ADAMTS2: variants seen among roughly 807,000 people sequenced by gnomAD.
The protein encoded by ADAMTS2 is ADAM metallopeptidase with thrombospondin type 1 motif 2.
Under a neutral mutation model 123.0 loss-of-function variants are expected in ADAMTS2, and 50 were observed. The ratio of observed to expected loss-of-function variants is 0.41; its 90% confidence interval spans 0.32 to 0.51. The LOEUF is 0.51. ADAMTS2 is among the 20% of genes least tolerant of loss of function. ADAMTS2 has a pLI of 0.35. For synonymous variants in ADAMTS2, 678 were observed against 695.4 expected (o/e 0.98, Z 0.39); for missense variants, 1,494 against 1,705.2 (o/e 0.88, Z 2.18).
At chr5:179,226,087 A>C (rs1765276730) in intron 3 of ADAMTS2, among the ~76,000 whole-genome samples, 1 of 152,162 alleles carries the variant, frequency 6.6e-6, no homozygotes, top group African/African-American at 2.4e-5. Context: ...TGAAGAAGGA[A>C]GCCACACCCC....
intron 5 of ADAMTS2, among the ~76,000 whole-genome samples, chr5:179,172,278 G>A (rs961861734): frequency 5.3e-5 from 8 of 152,336 alleles, no homozygotes; most frequent in Non-Finnish European, 1.2e-4. Flanking sequence ...CCTGGGAAGA[G>A]CAGGCTGCAC....
At chr5:179,281,006 C>T (rs749863379) in intron 2 of ADAMTS2, among the ~76,000 whole-genome samples, 5 of 152,148 alleles carry the variant, frequency 3.3e-5, no homozygotes, top group Non-Finnish European at 7.3e-5. Context: ...TACTGGTACA[C>T]ACCACCACAT....
intron 3 of ADAMTS2, among the ~76,000 whole-genome samples, chr5:179,238,182 A>G (rs1765573625): frequency 6.6e-6 from 1 of 152,214 alleles, no homozygotes; most frequent in Non-Finnish European, 1.5e-5. Context: ...AGGAAGCCAC[A>G]GCGGAACTTG....
At chr5:179,299,834 C>T (rs181231641) in intron 2 of ADAMTS2, among the ~76,000 whole-genome samples, 18 of 152,176 alleles carry the variant, frequency 1.2e-4, no homozygotes, top group African/African-American at 4.3e-4. Flanking sequence ...CCAGCTCACA[C>T]CTGTAATCCC....
chr5:179,149,054 G>A (rs1192636197), intron 10 of ADAMTS2, among the ~76,000 whole-genome samples: 4 of 152,304 alleles, frequency 2.6e-5, no homozygotes, highest in South Asian at 2.1e-4. Context: ...GCTGGCTGGC[G>A]TTCCCCTCAG....
Position 179,129,211 on chromosome 5 carries a change from G to A in ADAMTS2, c.2457+721C>T, listed in dbSNP as rs951314414. ...CAGGGGGCCAGAAGTCACTGCAGGC[G>A]AGGCAGGCAGGGTGCCAGGGGGTAC... On this transcript the variant is annotated intron_variant, in intron 16 of 21. Transcript: ENST00000251582. The surrounding 1 kb of genome is among the most constrained non-coding windows in gnomAD (Gnocchi z 4.1). Among the ~76,000 whole-genome samples the A allele has an allele frequency of 4.6e-5, 7 of 152,298 alleles. No individual in the cohort carries two copies. The highest frequency in any genetic ancestry group is 4.4e-5 in the Non-Finnish European group (3 of 68,038).
In ADAMTS2 at chr5:179,162,337, C is replaced by T. The variant is rs1332214998; in HGVS notation, c.976-3458G>A. Among the ~76,000 whole-genome samples, 1 of 152,148 alleles carries T rather than the reference C, an allele frequency of 6.6e-6. No individual in the cohort carries two copies. The highest frequency in any genetic ancestry group is 6.5e-5 in the Admixed American group (1 of 15,274). ...AGGGTGAACATACAACCAAAGCGGG[C>T]CAAGGAGTAGGCAAGGTGTGAGGTG... On this transcript the variant is annotated intron_variant, in intron 5 of 21. Coordinates refer to ENST00000251582, the MANE Select transcript of ADAMTS2 (RefSeq NM_014244.5). The surrounding 1 kb of genome is among the most constrained non-coding windows in gnomAD (Gnocchi z 5.1).
intron 4 of ADAMTS2, 42 bp downstream of exon 4, chr5:179,207,471 A>ACCCAGCCCCC: frequency 3.2e-5 from 33 of 1,026,464 alleles, no homozygotes; most frequent in Admixed American, 5.2e-5. Flanking sequence ...CCCCTGGTTG[A>ACCCAGCCCCC]CCCTCCCCGC....
rs1202127515 is a variant in ADAMTS2 at position 179,139,876 on chromosome 5, TGG to T, written c.1775+12_1775+13del. On this transcript the variant is annotated intron_variant, in intron 11 of 21. Transcript: ENST00000251582. ...GCCACTCAGCAAGGCCAGGGGGACA[TGG>T]GGCCAACTCACTGTGGGTTGTCACA... 10 of 1,611,724 alleles carry T rather than the reference TGG, an allele frequency of 6.2e-6. 1 individual carries two copies. Among genetic ancestry groups the T allele is most frequent in the Non-Finnish European group, 8.5e-6 (10 of 1,179,884 alleles).
At chr5:179,336,093 T>C (rs1309422517) in intron 2 of ADAMTS2, among the ~76,000 whole-genome samples, 6 of 152,240 alleles carry the variant, frequency 3.9e-5, no homozygotes, top group African/African-American at 1.4e-4. Context: ...ACAGAGCTGG[T>C]GAAGGCTGGT....
At chr5:179,324,893 C>T (rs1032119176) in intron 2 of ADAMTS2, among the ~76,000 whole-genome samples, 9 of 146,944 alleles carry the variant, frequency 6.1e-5, no homozygotes, top group African/African-American at 2.3e-4. Context: ...TATGGGGTTC[C>T]CAGCATTCAG....
intron 3 of ADAMTS2, among the ~76,000 whole-genome samples, chr5:179,210,492 A>T (rs892820305): frequency 6.6e-6 from 1 of 152,264 alleles, no homozygotes; most frequent in African/African-American, 2.4e-5. Flanking sequence ...AATCGTGATA[A>T]TTTTGGGGTG....
In ADAMTS2 at chr5:179,121,694, C is replaced by T. The variant is rs1246979262; in HGVS notation, c.3145G>A (p.Asp1049Asn). Reference sequence around the variant, plus strand: ...ATCTTCCGGATGGGCGAGTCGGGGTCCGGGCGGGACAGCCACTGAACTACG... The same window carrying T: ...ATCTTCCGGATGGGCGAGTCGGGGTTCGGGCGGGACAGCCACTGAACTACG... Reference protein sequence around the residue: ...SYVVQWLSRPDPDSPIRKISS... With the variant: ...SYVVQWLSRPNPDSPIRKISS... The change falls in exon 21 of 22, where the codon GAC (aspartate) becomes AAC (asparagine). Residue 1049 changes from aspartate to asparagine, a missense_variant. Physicochemically the swap from Asp to Asn is conservative, Grantham distance 23. Transcript: ENST00000251582. 4 of 1,596,536 alleles carry T rather than the reference C, an allele frequency of 2.5e-6. No individual in the cohort carries two copies. The highest frequency in any genetic ancestry group is 3.4e-6 in the Non-Finnish European group (4 of 1,171,668).
Position 179,129,550 on chromosome 5 carries a change from G to C in ADAMTS2, c.2457+382C>G, listed in dbSNP as rs552918305. Among the ~76,000 whole-genome samples, 39 of 152,288 alleles carry C rather than the reference G, an allele frequency of 2.6e-4. No individual in the cohort carries two copies. Among genetic ancestry groups the C allele is most frequent in the African/African-American group, 8.7e-4 (36 of 41,566 alleles). On this transcript the variant is annotated intron_variant, in intron 16 of 21. Coordinates refer to ENST00000251582, the MANE Select transcript of ADAMTS2 (RefSeq NM_014244.5). The surrounding 1 kb of genome is among the most constrained non-coding windows in gnomAD (Gnocchi z 4.1). ...CCATCCTGCTTAGAGACACAGTCCAGCTCAACCTGGGTCTGGGCATCTAGC... is the reference window on the plus strand; with the variant it reads ...CCATCCTGCTTAGAGACACAGTCCACCTCAACCTGGGTCTGGGCATCTAGC...
intron 2 of ADAMTS2, among the ~76,000 whole-genome samples, chr5:179,339,674 C>T (rs1317978385): frequency 6.6e-6 from 1 of 152,176 alleles, no homozygotes; most frequent in Admixed American, 6.5e-5. Context: ...GAGGTTCCTG[C>T]AGCCCCTCTT....
intron 2 of ADAMTS2, among the ~76,000 whole-genome samples, chr5:179,338,164 C>A (rs1267525039): frequency 6.6e-6 from 1 of 152,160 alleles, no homozygotes; most frequent in Non-Finnish European, 1.5e-5. Flanking sequence ...TGCTGGGCTC[C>A]GGCTGAGACC....
chr5:179,206,328 C>A (rs994660269), intron 4 of ADAMTS2, among the ~76,000 whole-genome samples: 4 of 152,110 alleles, frequency 2.6e-5, no homozygotes, highest in Non-Finnish European at 5.9e-5. Context: ...GGGACTCTGA[C>A]CCATGTGTCA....
Position 179,303,895 on chromosome 5 carries a change from T to C in ADAMTS2, c.535-30831A>G, listed in dbSNP as rs767514951. ...GATTTAACAAGGAGCCGCAGGAAAC[T>C]GGACAGGGCTAGGAAGATGGCAGAG... On this transcript the variant is annotated intron_variant, in intron 2 of 21. Coordinates refer to ENST00000251582, the MANE Select transcript of ADAMTS2 (RefSeq NM_014244.5). The surrounding 1 kb of genome is among the most constrained non-coding windows in gnomAD (Gnocchi z 4.7). Among the ~76,000 whole-genome samples the C allele has an allele frequency of 6.6e-6, 1 of 152,156 alleles. No homozygotes were observed. Among genetic ancestry groups the C allele is most frequent in the Non-Finnish European group, 1.5e-5 (1 of 68,042 alleles).
chr5:179,323,468 T>C (rs1219085229), intron 2 of ADAMTS2, among the ~76,000 whole-genome samples: 1 of 152,228 alleles, frequency 6.6e-6, no homozygotes, highest in Non-Finnish European at 1.5e-5. Flanking sequence ...TCTGGACACC[T>C]GGTCCTGCCA....
Sources: allele counts gnomAD v4.1 joint callset (sites outside exome capture counted in the v4.1 genomes callset), GRCh38; gene constraint gnomAD v4.1.1; non-coding constraint Gnocchi (gnomAD v3.1); transcripts MANE v1.5; gene names NCBI Gene and HGNC (gene_info 2026-07-23, HGNC 2026-07-21).